The following FLNB variants were observed in gnomAD, a reference collection of about 807,000 sequenced individuals.
The protein encoded by FLNB is filamin-B.
In FLNB, 111 loss-of-function variants were observed where a neutral mutation model predicts 250.6. The ratio of observed to expected loss-of-function variants is 0.44; its 90% CI spans 0.38 to 0.52. The LOEUF (loss-of-function observed/expected upper bound fraction) is 0.52. FLNB is among the 20% of genes least tolerant of loss of function. The pLI, the probability that FLNB is intolerant of heterozygous loss-of-function variation, is 0.00. For synonymous variants in FLNB, 1,302 were observed against 1,372.1 expected (o/e 0.95, Z 1.13); for missense variants, 2,869 against 3,447.8 (o/e 0.83, Z 4.20).
chr3:58,037,058 CTTTTTTTT>C (rs549716136), intron 1 of FLNB, among the ~76,000 whole-genome samples: 1 of 103,594 alleles, frequency 9.7e-6, no homozygotes, highest in Non-Finnish European at 2.0e-5. Context: ...ACATTAGAGT[CTTTTTTTT>C]TTTTTTTTTT....
intron 1 of FLNB, among the ~76,000 whole-genome samples, chr3:58,033,252 T>C (rs1180627255): frequency 6.6e-6 from 1 of 152,222 alleles, no homozygotes; most frequent in African/African-American, 2.4e-5. Context: ...AGAAGTTTCC[T>C]TGTGCCTCTT....
At chr3:58,030,203 G>C (rs948519819) in intron 1 of FLNB, among the ~76,000 whole-genome samples, 1 of 152,144 alleles carries the variant, frequency 6.6e-6, no homozygotes, top group Non-Finnish European at 1.5e-5. Context: ...TTGTGTATGG[G>C]GTGAATCGGA....
intron 25 of FLNB, 44 bp from the exon 26 acceptor site, chr3:58,132,764 G>C: frequency 6.2e-7 from 1 of 1,613,722 alleles, no homozygotes; most frequent in Non-Finnish European, 8.5e-7. Flanking sequence ...GTGGAGTAAA[G>C]GTGAGGCCAG....
chr3:58,133,503 T>G (rs1426951476), intron 26 of FLNB, among the ~76,000 whole-genome samples: 3 of 148,724 alleles, frequency 2.0e-5, no homozygotes, highest in Non-Finnish European at 4.4e-5. Context: ...AATAAATAAT[T>G]TATTAGTTTA....
intron 1 of FLNB, among the ~76,000 whole-genome samples, chr3:58,039,326 G>A (rs1395403081): frequency 2.0e-5 from 3 of 147,658 alleles, no homozygotes; most frequent in Admixed American, 6.7e-5. Flanking sequence ...AAAAAAAAAA[G>A]GTGTAGAAAA....
chr3:58,169,566 G>C lies in FLNB; in HGVS notation c.7418-24G>C. 10 of 1,599,454 alleles carry C rather than the reference G, an allele frequency of 6.3e-6. No individual in the cohort carries two copies. Among genetic ancestry groups the C allele is most frequent in the Non-Finnish European group, 8.6e-6 (10 of 1,166,610 alleles). ...CCTCTTGATCTGGCCATTCATGCCT[G>C]TCCCCCTCCCTCCTGTATCTTAGGC... On this transcript the variant is annotated intron_variant, in intron 44 of 45. Transcript: ENST00000295956. This position sits in a 1 kb window ranked among gnomAD's most constrained non-coding sequence, Gnocchi z 4.8.
intron 1 of FLNB, among the ~76,000 whole-genome samples, chr3:58,015,929 C>G (rs910016309): frequency 1.3e-5 from 2 of 151,910 alleles, no homozygotes; most frequent in African/African-American, 4.8e-5. Context: ...CAGGAGCAGA[C>G]GAGTGTGTCA....
chr3:58,112,420 C>T (rs2097270423), intron 18 of FLNB, 102 bp downstream of exon 18: 1 of 1,224,338 alleles, frequency 8.2e-7, no homozygotes, highest in Admixed American at 1.7e-5. Context: ...GAGAGGTGCT[C>T]TGCCAAAGTG....
rs186114796 is a variant in FLNB at position 58,155,922 on chromosome 3, A to C, written c.6773-38A>C. 10 of 1,435,760 alleles carry C rather than the reference A, an allele frequency of 7.0e-6. No homozygotes were observed. The Admixed American group carries it at 1.5e-4, about 22-fold the overall frequency. 88.9% of individuals were successfully genotyped at this position (1,435,760 alleles called of 1,614,324 possible). A position where few individuals can be genotyped will look rare whatever the true frequency, so the allele number is the denominator to read the frequency against. On this transcript the variant is annotated intron_variant, in intron 40 of 45. Transcript: ENST00000295956. ...AGAAGCAAGAGTCCACTCTGGGTCC[A>C]GAGTCTCTGAAATGATGGGACTTTC...
chr3:58,010,010 G>A (rs1457889368), intron 1 of FLNB, among the ~76,000 whole-genome samples: 1 of 152,188 alleles, frequency 6.6e-6, no homozygotes, highest in East Asian at 1.9e-4. Flanking sequence ...TACACACATA[G>A]CATGTGTGTA....
chr3:58,080,792 T>C (rs921694814), intron 3 of FLNB, among the ~76,000 whole-genome samples: 4 of 100,494 alleles, frequency 4.0e-5, no homozygotes, highest in African/African-American at 7.7e-5. Flanking sequence ...GCGTCTGGCC[T>C]TTTTTTTTTT....
rs2097264617 is a variant in FLNB at position 58,109,276 on chromosome 3, T to C, written c.2153T>C (p.Ile718Thr). 1.2e-6 allele frequency: 2 copies of C among 1,614,116 alleles called. No homozygotes were observed. The highest frequency in any genetic ancestry group is 1.7e-6 in the Non-Finnish European group (2 of 1,180,044). The part of the protein sequence containing the change: ...YTPVKAIKHT[I>T]AVVWGGVNIP... ...CCGGTGAAGGCCATCAAGCACACCA[T>C]TGCTGTGGTCTGGGGAGGCGTGAAC... The change falls in exon 14 of 46, where the codon ATT becomes ACT. Residue 718 changes from isoleucine (I) to threonine (T), a missense_variant. Around this residue, in one of 5 missense-constraint regions of FLNB, gnomAD observed 1,348 missense variants for 1,466.7 expected, o/e 0.92. Coordinates refer to ENST00000295956, the MANE Select transcript of FLNB (RefSeq NM_001457.4).
rs80105439 is a variant in FLNB, at chr3:58,130,693, G to T, written c.4223-48G>T. ...TGCTATTCTGGGTGTGCACAAGGTG[G>T]TCTCCAATTCCCAGCTTGTGCTCAG... On this transcript the variant is annotated intron_variant, in intron 24 of 45. Coordinates refer to ENST00000295956, the MANE Select transcript of FLNB (RefSeq NM_001457.4). The T allele has an allele frequency of 4.2e-3, 6,766 of 1,592,700 alleles. 127 individuals carry two copies. In the East Asian group the frequency reaches 0.055, roughly 13 times the overall value.
At chr3:58,119,467 C>A (rs185289846) in intron 19 of FLNB, among the ~76,000 whole-genome samples, 4 of 152,198 alleles carry the variant, frequency 2.6e-5, no homozygotes, top group Non-Finnish European at 5.9e-5. Flanking sequence ...GTCACTACCA[C>A]CACACCTCTG....
intron 1 of FLNB, among the ~76,000 whole-genome samples, chr3:58,040,780 C>G (rs2097145017): frequency 6.6e-6 from 1 of 152,202 alleles, no homozygotes; most frequent in Non-Finnish European, 1.5e-5. Context: ...CAGGCGTGAG[C>G]CACCGTCCCC....
intron 1 of FLNB, among the ~76,000 whole-genome samples, chr3:58,018,888 CT>C (rs2097109709): frequency 7.2e-6 from 1 of 139,476 alleles, no homozygotes; most frequent in Non-Finnish European, 1.5e-5. Flanking sequence ...AATCACAGCA[CT>C]TTGGAAGGCC....
At chr3:58,059,139 A>G (rs1031462562) in intron 1 of FLNB, among the ~76,000 whole-genome samples, 7 of 152,216 alleles carry the variant, frequency 4.6e-5, no homozygotes, top group Admixed American at 2.6e-4. Context: ...TTGGCCACTG[A>G]AACCCCCTTT....
In FLNB at chr3:58,146,928, A is replaced by G. The variant is rs1181676564; in HGVS notation, c.5663A>G (p.Tyr1888Cys). The change falls in exon 34 of 46, where the codon TAC becomes TGC. Residue 1888 changes from tyrosine to cysteine, a missense_variant. Tyr to Cys is a radical substitution (Grantham distance 194). This residue lies in a region of FLNB where 1,084 missense variants were observed against 1,315.5 expected (regional missense o/e 0.82). Coordinates refer to ENST00000295956, the MANE Select transcript of FLNB (RefSeq NM_001457.4). ...VTYLPTLPGDYSILVKYNDKH... is the reference protein window; with the variant it reads ...VTYLPTLPGDCSILVKYNDKH... ...TACCTGCCGACTCTGCCAGGCGACT[A>G]CAGCATTCTGGTCAAGTACAATGAC... The G allele has an allele frequency of 2.8e-5, 46 of 1,614,220 alleles. No homozygotes were observed. The highest frequency in any genetic ancestry group is 3.9e-5 in the Non-Finnish European group (46 of 1,180,048).
intron 26 of FLNB, among the ~76,000 whole-genome samples, chr3:58,133,419 C>T (rs562083720): frequency 4.0e-4 from 49 of 121,616 alleles, no homozygotes; most frequent in South Asian, 3.3e-3. Context: ...CAACATAGAC[C>T]CTCCCCTGAC....
Sources: gnomAD v4.1 joint callset for allele counts (sites outside exome capture counted in the v4.1 genomes callset) on GRCh38, gnomAD v4.1.1 for gene constraint, gnomAD v4.1.1 regional missense constraint, Gnocchi (gnomAD v3.1) non-coding constraint, MANE v1.5 for transcripts, NCBI Gene and HGNC (gene_info 2026-07-23, HGNC 2026-07-21) for gene names.